PAFAH1B2: variants seen among roughly 807,000 people sequenced by gnomAD.
The protein encoded by PAFAH1B2 is platelet activating factor acetylhydrolase 1b catalytic subunit 2.
Under a neutral mutation model 28.0 loss-of-function variants are expected in PAFAH1B2, and 8 were observed. The observed-to-expected ratio is 0.29, with a 90% CI of 0.17 to 0.52. The LOEUF (loss-of-function observed/expected upper bound fraction) is 0.52. Ranked by LOEUF, PAFAH1B2 falls within the 20% of genes least tolerant of loss-of-function variation. PAFAH1B2 has a pLI of 0.97. For missense variants in PAFAH1B2, 190 were observed against 282.6 expected (o/e 0.67, Z 2.35); for synonymous variants, 104 against 103.2 (o/e 1.01, Z -0.05).
chr11:117,157,304 A>AGTTT (rs1555030155), intron 2 of PAFAH1B2, among the ~76,000 whole-genome samples: 2 of 151,252 alleles, frequency 1.3e-5, no homozygotes, highest in South Asian at 2.1e-4. Flanking sequence ...ATATATATAT[A>AGTTT]GTTTGTTTGT....
At chr11:117,175,861 A>G (rs1049505845), downstream of PAFAH1B2, 5 of 1,524,146 alleles carry the variant, frequency 3.3e-6, no homozygotes, top group Non-Finnish European at 4.4e-6. Flanking sequence ...CAGGAGTTCA[A>G]GACCAGCCTG....
chr11:117,159,763 G>A, intron 2 of PAFAH1B2, 171 bp from the exon 3 acceptor site: 2 of 511,184 alleles, frequency 3.9e-6, no homozygotes, highest in Admixed American at 3.2e-5. Flanking sequence ...AAAGAAAAAA[G>A]TTGTTTTTGT....
chr11:117,170,849 T>G lies in PAFAH1B2; in HGVS notation c.*3150T>G, dbSNP rs1216968675. 9.4e-7 allele frequency: 1 copy of G among 1,059,474 alleles called. No individual in the cohort carries two copies. Among genetic ancestry groups the G allele is most frequent in the East Asian group, 5.1e-5 (1 of 19,476 alleles). 65.6% of individuals were successfully genotyped at this position (1,059,474 alleles called of 1,614,324 possible). ...GTGGGTGCATGTGGGAGAAGTGAGT[T>G]AGGGCCTCTTGAAAGGAGGCTTTTT... is the stretch of plus-strand genomic sequence containing the variant. On this transcript the variant is annotated 3_prime_UTR_variant, in exon 6 of 6. Coordinates refer to ENST00000527958, the MANE Select transcript of PAFAH1B2 (RefSeq NM_002572.4).
Position 117,161,214 on chromosome 11 carries a change from G to A in PAFAH1B2, c.241G>A (p.Val81Ile), listed in dbSNP as rs1249122530. 6.3e-7 allele frequency: 1 copy of A among 1,593,574 alleles called. No homozygotes were observed. The highest frequency in any genetic ancestry group is 8.5e-7 in the Non-Finnish European group (1 of 1,175,062). The change falls in exon 4 of 6, where the codon GTT (valine) becomes ATT (isoleucine). Residue 81 changes from valine (V) to isoleucine (I), a missense_variant. Coordinates refer to ENST00000527958, the MANE Select transcript of PAFAH1B2 (RefSeq NM_002572.4). ...AATTGGGGGAGATACAACAAGACATGTTTTGTGGAGACTAAAGAATGGAGA... is the reference window on the plus strand; with the variant it reads ...AATTGGGGGAGATACAACAAGACATATTTTGTGGAGACTAAAGAATGGAGA... ...FGIGGDTTRH[V>I]LWRLKNGELE...
chr11:117,146,160 C>A (rs992559187), intron 1 of PAFAH1B2, among the ~76,000 whole-genome samples: 3 of 147,648 alleles, frequency 2.0e-5, no homozygotes, highest in African/African-American at 7.6e-5. Context: ...CTCAGTCTGT[C>A]GCCCAGGCTG....
exon 6 of PAFAH1B2, chr11:117,176,860 G>C (rs867811084): frequency 1.4e-5 from 2 of 142,724 alleles, no homozygotes; most frequent in South Asian, 4.6e-4. Flanking sequence ...ATGGGTGACA[G>C]TGAGACTCCA....
rs1956583335 is a variant in PAFAH1B2, at chr11:117,168,964, T to C, written c.*1265T>C. 3.2e-6 allele frequency: 1 copy of C among 310,838 alleles called. No individual in the cohort carries two copies. The highest frequency in any genetic ancestry group is 4.9e-6 in the Non-Finnish European group (1 of 203,692). 19.3% of individuals were successfully genotyped at this position (310,838 alleles called of 1,614,324 possible). On this transcript the variant is annotated 3_prime_UTR_variant, in exon 6 of 6. Coordinates refer to ENST00000527958, the MANE Select transcript of PAFAH1B2 (RefSeq NM_002572.4). ...TGCCACCATGCCCGGCTAATTTTTA[T>C]ATTTTTATTAGAGACGGGATTTCGC...
At chr11:117,171,208 G>A (rs11216310), downstream of PAFAH1B2, among the ~76,000 whole-genome samples, 1,451 of 152,210 alleles carry the variant, frequency 9.5e-3, 21 homozygotes, top group African/African-American at 0.033. Flanking sequence ...ACCTTCTCGG[G>A]CATGTAGATT....
chr11:117,159,490 T>C (rs1956322690), intron 2 of PAFAH1B2: 1 of 153,660 alleles, frequency 6.5e-6, no homozygotes, highest in Non-Finnish European at 1.4e-5. Context: ...CCCAGCACTT[T>C]GGAAGGCTAA....
At chr11:117,151,054 T>A (rs148732382) in intron 1 of PAFAH1B2, among the ~76,000 whole-genome samples, 2 of 151,942 alleles carry the variant, frequency 1.3e-5, no homozygotes, top group East Asian at 3.9e-4. Flanking sequence ...TTTTTCCTTT[T>A]CATAGTCCTT....
intron 2 of PAFAH1B2, among the ~76,000 whole-genome samples, chr11:117,153,379 T>TG (rs11448584): frequency 0.63 from 94,863 of 151,776 alleles, 31,688 homozygotes; most frequent in Non-Finnish European, 0.76. Flanking sequence ...TAGTTTTTTT[T>TG]TTGTTGTTGT....
At chr11:117,157,517 T>G (rs551828520) in intron 2 of PAFAH1B2, among the ~76,000 whole-genome samples, 16 of 152,140 alleles carry the variant, frequency 1.1e-4, no homozygotes, top group Non-Finnish European at 2.2e-4. Flanking sequence ...TGGATGAATA[T>G]CTGAGTTTTA....
chr11:117,165,834 AT>A (rs538814703), intron 5 of PAFAH1B2, among the ~76,000 whole-genome samples: 8,690 of 139,746 alleles, frequency 0.062, 244 homozygotes, highest in Middle Eastern at 0.12. Context: ...GTCATGTAGG[AT>A]TTTTTTTTTT....
At chr11:117,156,845 T>C (rs1383530441) in intron 2 of PAFAH1B2, among the ~76,000 whole-genome samples, 2 of 151,828 alleles carry the variant, frequency 1.3e-5, no homozygotes, top group Admixed American at 1.3e-4. Context: ...CAAAACCCCA[T>C]CTTTACAAAA....
chr11:117,173,252 C>T (rs1956711680), downstream of PAFAH1B2, among the ~76,000 whole-genome samples: 1 of 152,142 alleles, frequency 6.6e-6, no homozygotes, highest in Non-Finnish European at 1.5e-5. Context: ...ATGGTGAAAG[C>T]CCAGTTTTAG....
chr11:117,149,430 G>GTGTTTTTTTTTTTTT, intron 1 of PAFAH1B2, among the ~76,000 whole-genome samples: 1 of 86,050 alleles, frequency 1.2e-5, no homozygotes, highest in Non-Finnish European at 2.2e-5. Context: ...TTTTCTAATC[G>GTGTTTTTTTTTTTTT]TTTTTTTTTT....
At chr11:117,177,406 G>A (rs80353869), downstream of PAFAH1B2, among the ~76,000 whole-genome samples, 8,166 of 152,228 alleles carry the variant, frequency 0.054, 259 homozygotes, top group Middle Eastern at 0.1. Context: ...GTAATTCAAA[G>A]ATAACTACTG....
chr11:117,171,364 G>C (rs115027023), downstream of PAFAH1B2, among the ~76,000 whole-genome samples: 984 of 152,236 alleles, frequency 6.5e-3, 8 homozygotes, highest in African/African-American at 0.022. Flanking sequence ...TGAACTGGGT[G>C]AATGTCATCA....
downstream of PAFAH1B2, among the ~76,000 whole-genome samples, chr11:117,173,424 C>A (rs1386682207): frequency 6.6e-6 from 1 of 152,206 alleles, no homozygotes; most frequent in Non-Finnish European, 1.5e-5. Context: ...CAAGTCCAGA[C>A]AAGGCTCCCA....
Sources: gnomAD v4.1 joint callset for allele counts (sites outside exome capture counted in the v4.1 genomes callset) on GRCh38, gnomAD v4.1.1 for gene constraint, MANE v1.5 for transcripts, NCBI Gene and HGNC (gene_info 2026-07-23, HGNC 2026-07-21) for gene names.